Variants in RSPH9 observed in about 807,000 individuals in gnomAD.
The protein encoded by RSPH9 is radial spoke head protein 9 homolog.
Under a neutral mutation model 27.0 loss-of-function variants are expected in RSPH9, and 27 were observed. The observed-to-expected ratio is 1.00, with a 90% CI of 0.74 to 1.38. RSPH9 has a LOEUF of 1.38. Ranked by LOEUF, RSPH9 falls within the 40% of genes most tolerant of loss-of-function variation. The probability of loss-of-function intolerance (pLI) is 0.00; values close to 1 mark genes in which losing one functional copy is unlikely to be tolerated. For synonymous variants in RSPH9, 145 were observed against 147.7 expected (o/e 0.98, Z 0.13); for missense variants, 347 against 357.4 (o/e 0.97, Z 0.24).
At chr6:43,648,671 G>C (rs904590258) in intron 1 of RSPH9, among the ~76,000 whole-genome samples, 3 of 152,296 alleles carry the variant, frequency 2.0e-5, no homozygotes, top group Non-Finnish European at 2.9e-5. Flanking sequence ...AGTCCAAAGG[G>C]GGAATAGATG....
Position 43,671,541 on chromosome 6 carries a change from C to T in RSPH9, c.*592C>T, listed in dbSNP as rs1284364414. 2 of 591,816 alleles carry T rather than the reference C, an allele frequency of 3.4e-6. No homozygotes were observed. Among genetic ancestry groups the T allele is most frequent in the South Asian group, 2.0e-5 (1 of 50,542 alleles). 36.7% of individuals were successfully genotyped at this position (591,816 alleles called of 1,614,324 possible). The stretch of plus-strand genomic sequence containing the variant: ...ATGGCCTAAGCCCCATAGCAGCTGG[C>T]AAGGGACCCAACTGCCCTGCCTGCC... On this transcript the variant is annotated 3_prime_UTR_variant, in exon 5 of 5. Coordinates refer to ENST00000372163, the MANE Select transcript of RSPH9 (RefSeq NM_152732.5).
chr6:43,669,436 A>AG (rs1201974489), intron 4 of RSPH9, among the ~76,000 whole-genome samples: 1 of 152,184 alleles, frequency 6.6e-6, no homozygotes, highest in East Asian at 1.9e-4. Flanking sequence ...TCTTGGATGC[A>AG]GGGTGGCCCC....
At chr6:43,670,076 CAAG>C (rs1465739627) in intron 4 of RSPH9, among the ~76,000 whole-genome samples, 1 of 152,170 alleles carries the variant, frequency 6.6e-6, no homozygotes, top group African/African-American at 2.4e-5. Context: ...AGCAAAATGG[CAAG>C]TAGTGGCAAA....
rs756423549 is a variant in RSPH9, at chr6:43,670,836, C to T, written c.718C>T (p.Arg240Cys). 22 of 1,614,058 alleles carry T rather than the reference C, an allele frequency of 1.4e-5. No individual in the cohort carries two copies. The highest frequency in any genetic ancestry group is 1.0e-4 in the Admixed American group (6 of 60,004). The stretch of plus-strand genomic sequence containing the variant: ...GAGGGGCAATGCCCTGGTGGTGCTG[C>T]GCAGCCTGCTCTGGCCGGGCCTCAC... The part of the protein sequence containing the change: ...MERGNALVVL[R>C]SLLWPGLTFY... Residue 240 changes from arginine (R) to cysteine (C), a missense_variant, in exon 5 of 5, where the codon CGC becomes TGC. Transcript: ENST00000372163.
At chr6:43,666,279 C>T (rs1773125789) in intron 4 of RSPH9, 2 of 650,510 alleles carry the variant, frequency 3.1e-6, no homozygotes, top group Non-Finnish European at 5.6e-6. Context: ...CTTGGAGGCT[C>T]CCCTGCCAGG....
At chr6:43,645,388 CGGG>C in intron 1 of RSPH9, 63 bp downstream of exon 1, 7 of 120,274 alleles carry the variant, frequency 5.8e-5, no homozygotes, top group African/African-American at 1.8e-4. Context: ...GCGGGGTGGG[CGGG>C]TCGCAGCAAT....
Position 43,671,728 on chromosome 6 carries a change from G to A in RSPH9, c.*779G>A. 2 of 1,612,902 alleles carry A rather than the reference G, an allele frequency of 1.2e-6. No individual in the cohort carries two copies. On this transcript the variant is annotated 3_prime_UTR_variant, in exon 5 of 5. Coordinates refer to ENST00000372163, the MANE Select transcript of RSPH9 (RefSeq NM_152732.5). ...AGTGGGCCTCCTACTCCCCAGCACA[G>A]GTGCAGGAGGAACTCTGGAAGCACT...
At position 43,655,405 on chromosome 6, in the gene RSPH9, A is replaced by C. The variant is rs2295946; in HGVS notation, c.394-157A>C. ...ATAAAAAGAAAGGAAGAAAATCTTG[A>C]TAGGAAGGAAGGCGAGGGCCTGCCC... On this transcript the variant is annotated intron_variant, in intron 2 of 4. Coordinates refer to ENST00000372163, the MANE Select transcript of RSPH9 (RefSeq NM_152732.5). Among the ~76,000 whole-genome samples the C allele has an allele frequency of 0.15, 23,011 of 152,248 alleles. 4,259 individuals carry two copies. Among genetic ancestry groups the C allele is most frequent in the African/African-American group, 0.44 (18,373 of 41,502 alleles).
At chr6:43,656,430 A>T in intron 3 of RSPH9, 147 bp from the exon 4 acceptor site, 1 of 933,522 alleles carries the variant, frequency 1.1e-6, no homozygotes, top group Non-Finnish European at 1.7e-6. Flanking sequence ...GGACTGAGGG[A>T]ATGCTAATCC....
chr6:43,652,097 G>A (rs910019876), intron 2 of RSPH9, among the ~76,000 whole-genome samples: 8 of 151,524 alleles, frequency 5.3e-5, no homozygotes, highest in Admixed American at 4.6e-4. Context: ...ACGACGTCAG[G>A]AGATTGAGAC....
intron 2 of RSPH9, 71 bp downstream of exon 2, chr6:43,650,611 A>G (rs928614224): frequency 1.3e-6 from 2 of 1,558,704 alleles, no homozygotes; most frequent in African/African-American, 2.7e-5. Flanking sequence ...AGCCTAATAG[A>G]AATTATGGCA....
rs140285713 is a variant in RSPH9 at position 43,650,474 on chromosome 6, C to T, written c.327C>T (p.Tyr109=). ...VKGRFMGDPS[Y]EYEHTELQKV... ...GCCGCTTCATGGGGGACCCATCATA[C>T]GAATATGAACACACTGAGCTGCAGA... The change falls in exon 2 of 5, where the codon TAC becomes TAT. Residue 109 remains tyrosine (Y), a synonymous_variant. Coordinates refer to ENST00000372163, the MANE Select transcript of RSPH9 (RefSeq NM_152732.5). The T allele has an allele frequency of 3.7e-5, 59 of 1,613,922 alleles. No individual in the cohort carries two copies. The African/African-American group carries it at 5.1e-4, about 14-fold the overall frequency.
At chr6:43,656,478 G>A (rs1772060737) in intron 3 of RSPH9, 99 bp from the exon 4 acceptor site, 1 of 1,351,178 alleles carries the variant, frequency 7.4e-7, no homozygotes. Flanking sequence ...GGTTGACAGG[G>A]TCTTTTGTAA....
Position 43,645,171 on chromosome 6 carries a change from C to G in RSPH9, c.73C>G (p.Arg25Gly). The G allele has an allele frequency of 6.2e-7, 1 of 1,613,702 alleles. No individual in the cohort carries two copies. The highest frequency in any genetic ancestry group is 2.2e-5 in the East Asian group (1 of 44,884). The change falls in exon 1 of 5, where the codon CGG becomes GGG. Residue 25 changes from arginine to glycine, a missense_variant. Transcript: ENST00000372163. The part of the protein sequence containing the change: ...GSGQGLSPDR[R>G]ASLLTSLMLV... ...TGGGCAGGGCCTCAGCCCGGACCGT[C>G]GGGCCTCGCTGCTCACGTCTCTTAT...
intron 4 of RSPH9, among the ~76,000 whole-genome samples, chr6:43,665,939 C>A (rs1207512855): frequency 6.6e-6 from 1 of 152,108 alleles, no homozygotes; most frequent in African/African-American, 2.4e-5. Flanking sequence ...GATCCTCCTG[C>A]CTCAGCCTCC....
chr6:43,672,467 GA>G lies in RSPH9; in HGVS notation c.*1521del. On this transcript the variant is annotated 3_prime_UTR_variant, in exon 5 of 5. Transcript: ENST00000372163. ...TTCCTGTAAATAGGAGGGGGGTGGG[GA>G]AAGATGGCTGCCGCCCATGGACCTT... is the stretch of plus-strand genomic sequence containing the variant. 2.1e-6 allele frequency: 1 copy of G among 469,512 alleles called. No individual in the cohort carries two copies. The highest frequency in any genetic ancestry group is 4.4e-6 in the Non-Finnish European group (1 of 226,240). 29.1% of individuals were successfully genotyped at this position (469,512 alleles called of 1,614,324 possible). A position where few individuals can be genotyped will look rare whatever the true frequency, so the allele number is the denominator to read the frequency against.
rs1265770336 is a variant in RSPH9 at position 43,672,035 on chromosome 6, C to G, written c.*1086C>G. ...AAATCCTTTCACCAGTTTCCCTTTCCTGAAGTGCAGGGATTTTCCTGGGAG... is the reference window on the plus strand; with the variant it reads ...AAATCCTTTCACCAGTTTCCCTTTCGTGAAGTGCAGGGATTTTCCTGGGAG... On this transcript the variant is annotated 3_prime_UTR_variant, in exon 5 of 5. Transcript: ENST00000372163. 2.6e-6 allele frequency: 3 copies of G among 1,136,094 alleles called. No homozygotes were observed. The African/African-American group carries it at 4.7e-5, about 18-fold the overall frequency. 70.4% of individuals were successfully genotyped at this position (1,136,094 alleles called of 1,614,324 possible). A position where few individuals can be genotyped will look rare whatever the true frequency, so the allele number is the denominator to read the frequency against.
At chr6:43,645,884 C>T (rs560542418) in intron 1 of RSPH9, among the ~76,000 whole-genome samples, 189 of 152,176 alleles carry the variant, frequency 1.2e-3, no homozygotes, top group African/African-American at 4.3e-3. Flanking sequence ...AAATAGAGAA[C>T]GAATGCGGAA....
chr6:43,671,952 A>C lies in RSPH9; in HGVS notation c.*1003A>C. On this transcript the variant is annotated 3_prime_UTR_variant, in exon 5 of 5. Coordinates refer to ENST00000372163, the MANE Select transcript of RSPH9 (RefSeq NM_152732.5). ...GGTGCCTGTGAGGGCTGGGGGCCCA[A>C]GCTGGACGTGGGAGAGTGGAGCACT... 1 of 1,531,658 alleles carries C rather than the reference A, an allele frequency of 6.5e-7. No individual in the cohort carries two copies. Among genetic ancestry groups the C allele is most frequent in the Non-Finnish European group, 8.8e-7 (1 of 1,137,494 alleles). The allele number at this position is 1,531,658 out of a possible 1,614,324, so 94.9% of individuals were successfully genotyped here. A position where few individuals can be genotyped will look rare whatever the true frequency, so the allele number is the denominator to read the frequency against.
Sources: gnomAD v4.1 joint callset for allele counts (sites outside exome capture counted in the v4.1 genomes callset) on GRCh38, gnomAD v4.1.1 for gene constraint, MANE v1.5 for transcripts, NCBI Gene and HGNC (gene_info 2026-07-23, HGNC 2026-07-21) for gene names.